The following KLHL29 variants were observed in gnomAD, a reference collection of about 807,000 sequenced individuals.
KLHL29 encodes kelch-like protein 29.
A neutral mutation model predicts 80.4 loss-of-function variants in KLHL29; 21 were observed. The ratio of observed to expected loss-of-function variants is 0.26; its 90% CI spans 0.19 to 0.38. The LOEUF (loss-of-function observed/expected upper bound fraction) is 0.38. Among genes scored for constraint, KLHL29 ranks in the 10% least tolerant of loss-of-function variants. The probability of loss-of-function intolerance (pLI) is 1.00; values close to 1 mark genes in which losing one functional copy is unlikely to be tolerated. For missense variants in KLHL29, 867 were observed against 1,223.9 expected (o/e 0.71, Z 4.35); for synonymous variants, 511 against 526.8 (o/e 0.97, Z 0.41).
chr2:23,606,131 C>T (rs146645227), intron 3 of KLHL29, among the ~76,000 whole-genome samples: 45 of 148,050 alleles, frequency 3.0e-4, no homozygotes, highest in Non-Finnish European at 6.3e-4. Context: ...GGGATCATTC[C>T]GTGAGCTAGT....
At position 23,451,978 on chromosome 2, in the gene KLHL29, G is replaced by A. The variant is rs142871138; in HGVS notation, c.-153-23582G>A. ...AAGAGGGAGCAGGCTGTCACATGAC[G>A]AGAGGGGGAGCAAGAGAAGGGGGAG... On this transcript the variant is annotated intron_variant, in intron 1 of 13. Coordinates refer to ENST00000486442, the MANE Select transcript of KLHL29 (RefSeq NM_052920.2). Among the ~76,000 whole-genome samples, 916 of 152,138 alleles carry A rather than the reference G, an allele frequency of 6.0e-3. 4 individuals are homozygous for A. Among genetic ancestry groups the A allele is most frequent in the Non-Finnish European group, 8.5e-3 (580 of 67,978 alleles).
chr2:23,689,369 G>C (rs1462915424), intron 6 of KLHL29: 1 of 152,534 alleles, frequency 6.6e-6, no homozygotes, highest in Non-Finnish European at 1.5e-5. Flanking sequence ...CCACTCCCTG[G>C]CTCAGACTGT....
In KLHL29 at chr2:23,417,533, G is replaced by A. The variant is rs145770600; in HGVS notation, c.-154+31753G>A. ...CAGTGCCATGCAGTACGCACTGCGC[G>A]ATCCCCACTTTCCTGATGGAGACAC... On this transcript the variant is annotated intron_variant, in intron 1 of 13. Coordinates refer to ENST00000486442, the MANE Select transcript of KLHL29 (RefSeq NM_052920.2). 2.9e-3 allele frequency among the ~76,000 whole-genome samples: 435 copies of A among 152,312 alleles called. 2 individuals carry two copies. The highest frequency in any genetic ancestry group is 6.9e-3 in the African/African-American group (286 of 41,562).
chr2:23,409,003 G>T (rs775531823), intron 1 of KLHL29, among the ~76,000 whole-genome samples: 1 of 152,142 alleles, frequency 6.6e-6, no homozygotes, highest in South Asian at 2.1e-4. Context: ...GGTGTGTGAG[G>T]GGCTAATCAT....
Position 23,706,462 on chromosome 2 carries a change from C to T in KLHL29, c.2445-19C>T. On this transcript the variant is annotated intron_variant, in intron 13 of 13. Transcript: ENST00000486442. Reference sequence around the variant, plus strand: ...TTGGAAGTGAAATGCCTAACTCTGTCCCCGCTTTCCCCCAACAGTGCTGTG... The same window carrying T: ...TTGGAAGTGAAATGCCTAACTCTGTTCCCGCTTTCCCCCAACAGTGCTGTG... The T allele has an allele frequency of 3.8e-5, 56 of 1,458,590 alleles. No homozygotes were observed. Among genetic ancestry groups the T allele is most frequent in the Non-Finnish European group, 5.1e-5 (56 of 1,105,570 alleles). The allele number at this position is 1,458,590 out of a possible 1,614,324, so 90.4% of individuals were successfully genotyped here. A position where few individuals can be genotyped will look rare whatever the true frequency, so the allele number is the denominator to read the frequency against.
intron 2 of KLHL29, among the ~76,000 whole-genome samples, chr2:23,554,255 A>G (rs1667203026): frequency 6.6e-6 from 1 of 152,266 alleles, no homozygotes; most frequent in Admixed American, 6.5e-5. Flanking sequence ...CTCCAGAAGA[A>G]AGGCTAAAAG....
At chr2:23,427,984 G>A (rs1452229617) in intron 1 of KLHL29, among the ~76,000 whole-genome samples, 5 of 152,178 alleles carry the variant, frequency 3.3e-5, no homozygotes, top group Non-Finnish European at 5.9e-5. Context: ...ATTAACAAGC[G>A]TGCCAGAGTC....
intron 3 of KLHL29, among the ~76,000 whole-genome samples, chr2:23,605,713 C>T (rs771430614): frequency 2.6e-5 from 4 of 152,134 alleles, no homozygotes; most frequent in Non-Finnish European, 5.9e-5. Context: ...TCAAGCCCTC[C>T]TCCTTCTCAG....
intron 5 of KLHL29, among the ~76,000 whole-genome samples, chr2:23,674,120 G>A (rs552037783): frequency 5.9e-5 from 9 of 152,144 alleles, no homozygotes; most frequent in South Asian, 4.2e-4. Context: ...CACTTGCCCC[G>A]GTCAGACTCC....
chr2:23,514,651 C>G (rs191521183), intron 2 of KLHL29, among the ~76,000 whole-genome samples: 1 of 152,278 alleles, frequency 6.6e-6, no homozygotes, highest in Non-Finnish European at 1.5e-5. Flanking sequence ...CATTGTCAGT[C>G]AGTAAATGGA....
chr2:23,661,277 G>A (rs1037737751), intron 5 of KLHL29, among the ~76,000 whole-genome samples: 4 of 151,004 alleles, frequency 2.6e-5, no homozygotes, highest in Non-Finnish European at 5.9e-5. Flanking sequence ...AGGAGTTTGA[G>A]GTTACAGTGA....
chr2:23,626,127 A>C (rs11125146), intron 3 of KLHL29, among the ~76,000 whole-genome samples: 1 of 152,004 alleles, frequency 6.6e-6, no homozygotes, highest in Non-Finnish European at 1.5e-5. Context: ...GGATGAAACT[A>C]TTCCACCTCC....
Position 23,696,304 on chromosome 2 carries a change from GCT to G in KLHL29, c.1925-22_1925-21del, listed in dbSNP as rs1671954243. ...CCCCAGGCCCCTCCTCACCCCGCCCGCTCTCTCTGCCTCCCACACTGCCTCCA... is the reference window on the plus strand; with the variant it reads ...CCCCAGGCCCCTCCTCACCCCGCCCGCTCTCTGCCTCCCACACTGCCTCCA... On this transcript the variant is annotated intron_variant, in intron 10 of 13. Coordinates refer to ENST00000486442, the MANE Select transcript of KLHL29 (RefSeq NM_052920.2). The surrounding 1 kb of genome is among the most constrained non-coding windows in gnomAD (Gnocchi z 5.5). The G allele has an allele frequency of 1.9e-6, 3 of 1,548,618 alleles. No individual in the cohort carries two copies. The East Asian group carries it at 7.3e-5, about 38-fold the overall frequency.
chr2:23,559,394 G>A (rs963166215), intron 2 of KLHL29, among the ~76,000 whole-genome samples: 2 of 152,126 alleles, frequency 1.3e-5, no homozygotes, highest in African/African-American at 4.8e-5. Flanking sequence ...ACTCCTGTGG[G>A]CAGTTGGGTA....
chr2:23,620,806 C>T (rs1572444412), intron 3 of KLHL29, among the ~76,000 whole-genome samples: 1 of 152,162 alleles, frequency 6.6e-6, no homozygotes, highest in African/African-American at 2.4e-5. Flanking sequence ...CCCGGATAAA[C>T]ATCATTGAAA....
chr2:23,695,747 C>T lies in KLHL29; in HGVS notation c.1667C>T (p.Ala556Val). 4 of 1,551,526 alleles carry T rather than the reference C, an allele frequency of 2.6e-6. No individual in the cohort carries two copies. The highest frequency in any genetic ancestry group is 3.5e-6 in the Non-Finnish European group (4 of 1,146,992). Residue 556 changes from alanine (A) to valine (V), a missense_variant, in exon 9 of 14, where the codon GCC becomes GTC. Coordinates refer to ENST00000486442, the MANE Select transcript of KLHL29 (RefSeq NM_052920.2). This position sits in a 1 kb window ranked among gnomAD's most constrained non-coding sequence, Gnocchi z 7.6. The stretch of plus-strand genomic sequence containing the variant: ...GCCTGCCGGGACCTGGTGAACGAGG[C>T]CAAACGCTACCATATGCTGCCCCAC... ...SEACRDLVNE[A>V]KRYHMLPHAR...
rs534820749 is a variant in KLHL29 at position 23,649,514 on chromosome 2, A to G, written c.940+6664A>G. 2.6e-5 allele frequency among the ~76,000 whole-genome samples: 4 copies of G among 152,258 alleles called. No homozygotes were observed. The South Asian group carries it at 6.2e-4, about 24-fold the overall frequency. On this transcript the variant is annotated intron_variant, in intron 5 of 13. Coordinates refer to ENST00000486442, the MANE Select transcript of KLHL29 (RefSeq NM_052920.2). Reference sequence around the variant, plus strand: ...GCAGAGGCCGCTGGACCACCCAGGGATGGTGTCATCCTGGGAGCAGGAGGT... The same window carrying G: ...GCAGAGGCCGCTGGACCACCCAGGGGTGGTGTCATCCTGGGAGCAGGAGGT...
chr2:23,458,466 C>T (rs531989719), intron 1 of KLHL29, among the ~76,000 whole-genome samples: 73 of 152,342 alleles, frequency 4.8e-4, no homozygotes, highest in African/African-American at 1.6e-3. Context: ...CACAGGCTAT[C>T]GCGTGCTGGC....
chr2:23,543,315 A>G (rs982169783), intron 2 of KLHL29, among the ~76,000 whole-genome samples: 1 of 152,136 alleles, frequency 6.6e-6, no homozygotes, highest in East Asian at 1.9e-4. Context: ...CCCAAGAAAG[A>G]GGAGGGCACA....
Sources: gnomAD v4.1 joint callset for allele counts (sites outside exome capture counted in the v4.1 genomes callset) on GRCh38, gnomAD v4.1.1 for gene constraint, Gnocchi (gnomAD v3.1) non-coding constraint, MANE v1.5 for transcripts, NCBI Gene and HGNC (gene_info 2026-07-23, HGNC 2026-07-21) for gene names.